Variants in GRIK2 observed in about 807,000 individuals in gnomAD.
GRIK2 encodes the protein glutamate receptor ionotropic, kainate 2.
A neutral mutation model predicts 100.3 loss-of-function variants in GRIK2; 32 were observed. The ratio of observed to expected loss-of-function variants is 0.32; its 90% CI spans 0.24 to 0.43. The LOEUF (loss-of-function observed/expected upper bound fraction) is 0.43. GRIK2 is among the 20% of genes least tolerant of loss of function. GRIK2 has a pLI of 1.00. For synonymous variants in GRIK2, 417 were observed against 389.4 expected (o/e 1.07, Z -0.83); for missense variants, 843 against 1,114.9 (o/e 0.76, Z 3.47).
chr6:101,896,128 C>A (rs1787422351), intron 12 of GRIK2, among the ~76,000 whole-genome samples: 2 of 151,524 alleles, frequency 1.3e-5, no homozygotes, highest in South Asian at 4.1e-4. Flanking sequence ...TTTATGGTTG[C>A]AAGTATATGT....
chr6:101,593,602 C>A (rs1475963205), intron 2 of GRIK2, among the ~76,000 whole-genome samples: 1 of 151,728 alleles, frequency 6.6e-6, no homozygotes, highest in Non-Finnish European at 1.5e-5. Context: ...TTTTACAGAG[C>A]CTAAAATAGA....
At chr6:101,781,736 T>C (rs190566665) in intron 7 of GRIK2, among the ~76,000 whole-genome samples, 45 of 152,290 alleles carry the variant, frequency 3.0e-4, no homozygotes, top group African/African-American at 1.1e-3. Flanking sequence ...TATCTTATCC[T>C]TCATATGTTC....
chr6:101,714,971 G>A (rs1460417886), intron 7 of GRIK2, among the ~76,000 whole-genome samples: 1 of 151,394 alleles, frequency 6.6e-6, no homozygotes, highest in Non-Finnish European at 1.5e-5. Flanking sequence ...TATTAAGAGA[G>A]AATTTGAATA....
chr6:101,534,126 C>T (rs1211206095), intron 2 of GRIK2, among the ~76,000 whole-genome samples: 1 of 117,288 alleles, frequency 8.5e-6, no homozygotes, highest in East Asian at 2.2e-4. Flanking sequence ...ATTTGTGATA[C>T]ACATAGTTTT....
chr6:101,503,570 G>A (rs766688902), intron 2 of GRIK2, among the ~76,000 whole-genome samples: 1 of 152,090 alleles, frequency 6.6e-6, no homozygotes, highest in Non-Finnish European at 1.5e-5. Flanking sequence ...TTCCAAAAAA[G>A]CTATGTTGCT....
intron 4 of GRIK2, among the ~76,000 whole-genome samples, chr6:101,648,987 A>G (rs965742209): frequency 6.6e-6 from 1 of 152,102 alleles, no homozygotes; most frequent in African/African-American, 2.4e-5. Context: ...ATTCACTACC[A>G]CAAGAACAGT....
At chr6:101,740,951 T>C (rs1048657855) in intron 7 of GRIK2, among the ~76,000 whole-genome samples, 2 of 151,996 alleles carry the variant, frequency 1.3e-5, no homozygotes, top group African/African-American at 2.4e-5. Flanking sequence ...CATTTCACCA[T>C]GAGATTTTTG....
At chr6:101,642,686 T>C (rs1355023932) in intron 4 of GRIK2, among the ~76,000 whole-genome samples, 1 of 151,746 alleles carries the variant, frequency 6.6e-6, no homozygotes, top group African/African-American at 2.4e-5. Flanking sequence ...TAAATAATGC[T>C]GCTATGGACA....
intron 2 of GRIK2, chr6:101,430,725 C>A (rs1031391084): frequency 5.1e-6 from 1 of 195,068 alleles, no homozygotes; most frequent in East Asian, 1.4e-4. Context: ...ACACCAGAAC[C>A]TCTCACTGCT....
chr6:101,890,073 C>G (rs905949815), intron 12 of GRIK2: 4 of 553,572 alleles, frequency 7.2e-6, no homozygotes, highest in Non-Finnish European at 1.3e-5. Context: ...TGTCAGTAAG[C>G]TATAAGTGTT....
intron 2 of GRIK2, among the ~76,000 whole-genome samples, chr6:101,587,104 T>A (rs185435561): frequency 6.7e-6 from 1 of 150,372 alleles, no homozygotes; most frequent in African/African-American, 2.4e-5. Context: ...AACTAAGAAA[T>A]GTAAATAAAA....
chr6:101,639,977 CTAACATATACCT>C (rs1781210495), intron 4 of GRIK2, among the ~76,000 whole-genome samples: 1 of 152,276 alleles, frequency 6.6e-6, no homozygotes, highest in South Asian at 2.1e-4. Context: ...AATACAAAGC[CTAACATATACCT>C]CTTCTTATCC....
chr6:101,824,132 G>A (rs1057157030), intron 10 of GRIK2, among the ~76,000 whole-genome samples: 4 of 151,934 alleles, frequency 2.6e-5, no homozygotes, highest in African/African-American at 9.7e-5. Flanking sequence ...TGATCTTCCA[G>A]CCTCGGCCTC....
intron 12 of GRIK2, among the ~76,000 whole-genome samples, chr6:101,918,978 G>T (rs554553819): frequency 6.6e-6 from 1 of 151,934 alleles, no homozygotes; most frequent in African/African-American, 2.4e-5. Context: ...ATAGAAGCCA[G>T]TTGGGTGAAT....
intron 2 of GRIK2, among the ~76,000 whole-genome samples, chr6:101,590,798 T>G (rs1778608039): frequency 6.6e-6 from 1 of 152,036 alleles, no homozygotes; most frequent in Non-Finnish European, 1.5e-5. Flanking sequence ...AATGCCTATA[T>G]TTTTTAGATT....
At chr6:101,476,449 G>T (rs183744122) in intron 2 of GRIK2, among the ~76,000 whole-genome samples, 180 of 152,244 alleles carry the variant, frequency 1.2e-3, no homozygotes, top group African/African-American at 4.3e-3. Context: ...CGGACAGCTA[G>T]CTGAGAACAA....
chr6:101,805,284 C>T (rs539846181), intron 9 of GRIK2, among the ~76,000 whole-genome samples: 5 of 150,120 alleles, frequency 3.3e-5, no homozygotes, highest in South Asian at 2.1e-4. Flanking sequence ...ATCCTGCCAC[C>T]GAACTTCTCT....
At chr6:101,504,971 G>A (rs1288763851) in intron 2 of GRIK2, among the ~76,000 whole-genome samples, 1 of 151,822 alleles carries the variant, frequency 6.6e-6, no homozygotes, top group Non-Finnish European at 1.5e-5. Flanking sequence ...TTTTGAAATA[G>A]GTAGACTAAG....
intron 2 of GRIK2, among the ~76,000 whole-genome samples, chr6:101,485,013 T>G (rs942684677): frequency 6.6e-6 from 1 of 152,118 alleles, no homozygotes; most frequent in East Asian, 1.9e-4. Context: ...ATTTCTCCTA[T>G]CAGGAAAACT....
Sources: allele counts gnomAD v4.1 joint callset (sites outside exome capture counted in the v4.1 genomes callset), GRCh38; gene constraint gnomAD v4.1.1; transcripts MANE v1.5; gene names NCBI Gene and HGNC (gene_info 2026-07-23, HGNC 2026-07-21).